Variants in LPXN observed in about 807,000 individuals in gnomAD.
LPXN encodes the protein leupaxin.
A neutral mutation model predicts 45.6 loss-of-function variants in LPXN; 28 were observed. That is an observed-to-expected ratio of 0.61 (90% confidence interval 0.45 to 0.84). The LOEUF is 0.84. Ranked by LOEUF, LPXN falls within the 40% of genes least tolerant of loss-of-function variation. The pLI is 0.00. For missense variants in LPXN, 459 were observed against 475.0 expected (o/e 0.97, Z 0.31); for synonymous variants, 166 against 169.9 (o/e 0.98, Z 0.18).
At chr11:58,576,308 C>A (rs1565209260), upstream of LPXN, among the ~76,000 whole-genome samples, 1 of 151,988 alleles carries the variant, frequency 6.6e-6, no homozygotes, top group African/African-American at 2.4e-5. Flanking sequence ...ATCTGCTTTC[C>A]TGCATGGAAC....
intron 4 of LPXN, 138 bp downstream of exon 4, chr11:58,554,703 C>A: frequency 1.8e-6 from 1 of 569,356 alleles, no homozygotes; most frequent in Non-Finnish European, 3.0e-6. Flanking sequence ...CTGAAAAAAG[C>A]AATGACAACT....
Position 58,528,034 on chromosome 11 carries a change from T to G in LPXN, c.891+9A>C, listed in dbSNP as rs370379587. 1.9e-5 allele frequency: 31 copies of G among 1,610,958 alleles called. No homozygotes were observed. The highest frequency in any genetic ancestry group is 2.5e-5 in the Non-Finnish European group (29 of 1,178,514). On this transcript the variant is annotated intron_variant, in intron 8 of 8. Coordinates refer to ENST00000395074, the MANE Select transcript of LPXN (RefSeq NM_004811.3). ...TCCCTAAGTCCGAAAGAAAAGTGAT[T>G]ATACAGACCCCACAAACAAAGCACT...
rs761211467 is a variant in LPXN at position 58,570,559 on chromosome 11, C to G, written c.168G>C (p.Leu56Phe). ...ILSIQDNTSPLPAQLVYTTNI... is the reference protein window; with the variant it reads ...ILSIQDNTSPFPAQLVYTTNI... ...ACTATAATAAATGAAAATTTACCGG[C>G]AAGGGACTTGTGTTATCCTGAATAG... is the stretch of plus-strand genomic sequence containing the variant. Residue 56 changes from leucine to phenylalanine, a missense_variant, in exon 2 of 9, where the codon TTG (leucine) becomes TTC (phenylalanine). By Grantham distance (22) the Leu-to-Phe change is conservative (BLOSUM62 0). Transcript: ENST00000395074. 6.2e-7 allele frequency: 1 copy of G among 1,605,014 alleles called. No individual in the cohort carries two copies. Among genetic ancestry groups the G allele is most frequent in the African/African-American group, 1.3e-5 (1 of 74,700 alleles).
chr11:58,549,684 T>C (rs1853980518), intron 7 of LPXN, 102 bp downstream of exon 7: 3 of 875,294 alleles, frequency 3.4e-6, no homozygotes, highest in African/African-American at 3.3e-5. Context: ...ACTTTGATAG[T>C]ACTGATAGGA....
chr11:58,562,996 C>T (rs1186754621), intron 3 of LPXN, among the ~76,000 whole-genome samples: 4 of 152,146 alleles, frequency 2.6e-5, no homozygotes, highest in Admixed American at 1.3e-4. Flanking sequence ...GAGGCCCATA[C>T]TATGAGGAAG....
chr11:58,545,158 AAT>A (rs1853841594), intron 7 of LPXN, among the ~76,000 whole-genome samples: 1 of 152,134 alleles, frequency 6.6e-6, no homozygotes, highest in Non-Finnish European at 1.5e-5. Context: ...TCTATGTATA[AAT>A]ATGTTTTAAG....
chr11:58,543,712 T>A lies in LPXN; in HGVS notation c.742+6074A>T, dbSNP rs113065704. Among the ~76,000 whole-genome samples, 224 of 152,284 alleles carry A rather than the reference T, an allele frequency of 1.5e-3. 3 individuals are homozygous for A. Among genetic ancestry groups the A allele is most frequent in the South Asian group, 5.4e-3 (26 of 4,824 alleles). On this transcript the variant is annotated intron_variant, in intron 7 of 8. Coordinates refer to ENST00000395074, the MANE Select transcript of LPXN (RefSeq NM_004811.3). ...ACCTCTAACTTAAATGCATCCTGAC[T>A]TTGACATCTCTGTGGGAACTGACAG...
At chr11:58,572,505 T>C (rs1227110867) in intron 1 of LPXN, among the ~76,000 whole-genome samples, 1 of 152,174 alleles carries the variant, frequency 6.6e-6, no homozygotes, top group African/African-American at 2.4e-5. Context: ...ATTTGGATCA[T>C]TAAATCTACT....
chr11:58,549,079 A>G (rs1185850290), intron 7 of LPXN, among the ~76,000 whole-genome samples: 1 of 152,206 alleles, frequency 6.6e-6, no homozygotes, highest in East Asian at 1.9e-4. Flanking sequence ...AACAATCTAT[A>G]ACAATATAAA....
intron 7 of LPXN, among the ~76,000 whole-genome samples, chr11:58,537,686 A>G (rs1233813018): frequency 6.6e-6 from 1 of 152,166 alleles, no homozygotes; most frequent in Non-Finnish European, 1.5e-5. Context: ...TAGTTCATTC[A>G]AGTAACTTTA....
rs756815209 is a variant in LPXN at position 58,528,159 on chromosome 11, G to T, written c.775C>A (p.Arg259=). The T allele has an allele frequency of 1.2e-6, 2 of 1,614,134 alleles. No individual in the cohort carries two copies. Among genetic ancestry groups the T allele is most frequent in the South Asian group, 1.1e-5 (1 of 91,080 alleles). The part of the protein sequence containing the change: ...FHEKDKKPYC[R]KDFLAMFSPK... ...GAGAACATGGCTAAGAAATCCTTTC[G>T]GCAATATGGCTTCTTGTCCTTCTCA... Residue 259 remains arginine, a synonymous_variant, in exon 8 of 9, where the codon CGA becomes AGA. Transcript: ENST00000395074.
At chr11:58,554,500 T>C (rs753403990) in intron 4 of LPXN, among the ~76,000 whole-genome samples, 2 of 152,170 alleles carry the variant, frequency 1.3e-5, no homozygotes, top group Non-Finnish European at 2.9e-5. Flanking sequence ...AAAATCTCTC[T>C]ATATCCGTAA....
intron 7 of LPXN, among the ~76,000 whole-genome samples, chr11:58,530,996 G>A (rs540246397): frequency 1.2e-3 from 187 of 152,272 alleles, no homozygotes; most frequent in Middle Eastern, 3.4e-3. Context: ...CAAACAGAAA[G>A]GAATAGCATC....
intron 4 of LPXN, among the ~76,000 whole-genome samples, chr11:58,554,420 CATCTCTTT>C (rs1215790348): frequency 2.0e-5 from 3 of 152,154 alleles, no homozygotes; most frequent in Non-Finnish European, 4.4e-5. Flanking sequence ...CCTTTCTTCC[CATCTCTTT>C]ATGTCCAAAC....
intron 3 of LPXN, among the ~76,000 whole-genome samples, chr11:58,562,511 T>C (rs979641592): frequency 5.3e-5 from 8 of 152,112 alleles, no homozygotes; most frequent in Middle Eastern, 3.2e-3. Context: ...CATTCAGTAA[T>C]AGGAAGTACA....
chr11:58,575,024 A>C (rs994966976), intron 1 of LPXN, among the ~76,000 whole-genome samples: 1 of 152,208 alleles, frequency 6.6e-6, no homozygotes, highest in African/African-American at 2.4e-5. Flanking sequence ...ATGTTGGCAA[A>C]GGCTATGGAA....
At chr11:58,563,324 C>T (rs1159074478) in intron 3 of LPXN, among the ~76,000 whole-genome samples, 1 of 152,110 alleles carries the variant, frequency 6.6e-6, no homozygotes, top group African/African-American at 2.4e-5. Context: ...ATAAATTGGC[C>T]TCACCTTCAC....
At chr11:58,555,922 A>C (rs1854189437) in intron 3 of LPXN, among the ~76,000 whole-genome samples, 1 of 152,146 alleles carries the variant, frequency 6.6e-6, no homozygotes, top group Admixed American at 6.6e-5. Context: ...AAAATCTAAA[A>C]TAATTCAACA....
At chr11:58,566,225 A>G (rs1383805013) in intron 2 of LPXN, among the ~76,000 whole-genome samples, 1 of 152,194 alleles carries the variant, frequency 6.6e-6, no homozygotes, top group East Asian at 1.9e-4. Context: ...TATATTTGAA[A>G]TTATGGACAA....
Sources: allele counts gnomAD v4.1 joint callset (sites outside exome capture counted in the v4.1 genomes callset), GRCh38; gene constraint gnomAD v4.1.1; transcripts MANE v1.5; gene names NCBI Gene and HGNC (gene_info 2026-07-23, HGNC 2026-07-21).